Variants in UNC5C observed in about 807,000 individuals in gnomAD.
The protein encoded by UNC5C is netrin receptor UNC5C.
Under a neutral mutation model 99.8 loss-of-function variants are expected in UNC5C, and 47 were observed. That is an observed-to-expected ratio of 0.47 (90% CI 0.37 to 0.60). UNC5C has a LOEUF of 0.60. Ranked by LOEUF, UNC5C falls within the 20% of genes least tolerant of loss-of-function variation. The pLI, the probability that UNC5C is intolerant of heterozygous loss-of-function variation, is 0.00. For missense variants in UNC5C, 1,062 were observed against 1,165.9 expected (o/e 0.91, Z 1.30); for synonymous variants, 487 against 452.2 (o/e 1.08, Z -0.98).
At chr4:95,476,077 T>C (rs955891408) in intron 1 of UNC5C, among the ~76,000 whole-genome samples, 5 of 152,258 alleles carry the variant, frequency 3.3e-5, no homozygotes, top group Middle Eastern at 3.4e-3. Context: ...CTATGATTAA[T>C]ATTCACTCAA....
intron 1 of UNC5C, among the ~76,000 whole-genome samples, chr4:95,414,483 C>T (rs1381149448): frequency 1.3e-5 from 2 of 152,146 alleles, no homozygotes; most frequent in Non-Finnish European, 2.9e-5. Context: ...GGAGGTCTTA[C>T]CTGAATTTAT....
intron 1 of UNC5C, among the ~76,000 whole-genome samples, chr4:95,447,499 A>G (rs1395400530): frequency 6.6e-6 from 1 of 152,060 alleles, no homozygotes; most frequent in East Asian, 1.9e-4. Context: ...TTTATTATTT[A>G]TTTATTTTTT....
At chr4:95,416,125 T>C (rs996943838) in intron 1 of UNC5C, among the ~76,000 whole-genome samples, 1 of 152,094 alleles carries the variant, frequency 6.6e-6, no homozygotes, top group Non-Finnish European at 1.5e-5. Flanking sequence ...GAATGGAAAG[T>C]AGAAAGATTT....
At chr4:95,401,420 G>GCCT (rs1156653491) in intron 1 of UNC5C, among the ~76,000 whole-genome samples, 9 of 151,940 alleles carry the variant, frequency 5.9e-5, no homozygotes, top group South Asian at 2.1e-4. Context: ...TCCCAATTTA[G>GCCT]CCTCCTGAGT....
intron 1 of UNC5C, among the ~76,000 whole-genome samples, chr4:95,515,384 G>A (rs1390452007): frequency 1.3e-5 from 2 of 152,200 alleles, no homozygotes; most frequent in Non-Finnish European, 2.9e-5. Context: ...TAAACACTTA[G>A]TAGGTAATAC....
chr4:95,198,068 G>A (rs142522951), intron 12 of UNC5C, among the ~76,000 whole-genome samples: 1,688 of 147,984 alleles, frequency 0.011, 14 homozygotes, highest in Non-Finnish European at 0.015. Context: ...GCTCACTGCA[G>A]CCTCCGCCTC....
chr4:95,363,008 A>G (rs1744443018), intron 1 of UNC5C, among the ~76,000 whole-genome samples: 1 of 152,144 alleles, frequency 6.6e-6, no homozygotes, highest in African/African-American at 2.4e-5. Context: ...ATTGTAGTTT[A>G]TGTAAACATC....
At chr4:95,480,299 A>G (rs1181050295) in intron 1 of UNC5C, among the ~76,000 whole-genome samples, 1 of 148,766 alleles carries the variant, frequency 6.7e-6, no homozygotes, top group Non-Finnish European at 1.5e-5. Flanking sequence ...GTGTATATAT[A>G]GATAGCCTAT....
At chr4:95,208,555 C>T (rs1737961760) in intron 10 of UNC5C, among the ~76,000 whole-genome samples, 1 of 152,094 alleles carries the variant, frequency 6.6e-6, no homozygotes, top group Non-Finnish European at 1.5e-5. Flanking sequence ...GGTCTTTTCT[C>T]CTCCCTAAAT....
Position 95,275,963 on chromosome 4 carries a change from C to T in UNC5C, c.594+2296G>A, listed in dbSNP as rs567107164. 9.2e-5 allele frequency among the ~76,000 whole-genome samples: 14 copies of T among 152,234 alleles called. No individual in the cohort carries two copies. In the South Asian group the frequency reaches 2.7e-3, roughly 29 times the overall value. ...CACATGAGTTTTACCTGCTGGTTTT[C>T]CTTTAAGATCAATATTTCACTTTAT... On this transcript the variant is annotated intron_variant, in intron 4 of 15. Coordinates refer to ENST00000453304, the MANE Select transcript of UNC5C (RefSeq NM_003728.4).
intron 1 of UNC5C, among the ~76,000 whole-genome samples, chr4:95,511,792 T>A (rs368562524): frequency 6.6e-6 from 1 of 151,598 alleles, no homozygotes; most frequent in Non-Finnish European, 1.5e-5. Flanking sequence ...ACCAATGCAA[T>A]GGAAAAAAAA....
chr4:95,516,125 TG>T (rs1722211854), intron 1 of UNC5C, among the ~76,000 whole-genome samples: 1 of 152,216 alleles, frequency 6.6e-6, no homozygotes, highest in Admixed American at 6.5e-5. Context: ...CTCAGTAATA[TG>T]GTAGTAATGT....
chr4:95,531,951 C>G (rs1722655864), intron 1 of UNC5C, among the ~76,000 whole-genome samples: 1 of 152,156 alleles, frequency 6.6e-6, no homozygotes, highest in Non-Finnish European at 1.5e-5. Flanking sequence ...AGATAGAATT[C>G]TACAGTTGAA....
intron 4 of UNC5C, among the ~76,000 whole-genome samples, chr4:95,274,723 G>T (rs1251328388): frequency 6.6e-6 from 1 of 151,994 alleles, no homozygotes; most frequent in Non-Finnish European, 1.5e-5. Context: ...AACAATAGTA[G>T]CTTTAAAGAT....
chr4:95,404,658 G>C (rs1318252730), intron 1 of UNC5C, among the ~76,000 whole-genome samples: 1 of 152,156 alleles, frequency 6.6e-6, no homozygotes, highest in African/African-American at 2.4e-5. Flanking sequence ...ACAGATACAA[G>C]AGGGTGGTTC....
chr4:95,232,528 AC>A (rs765844649), intron 7 of UNC5C, among the ~76,000 whole-genome samples: 1 of 151,966 alleles, frequency 6.6e-6, no homozygotes, highest in Non-Finnish European at 1.5e-5. Context: ...CTGGACCTGC[AC>A]CCCCGTGATC....
In UNC5C at chr4:95,220,055, C is replaced by T. The variant is rs759056179; in HGVS notation, c.1230G>A (p.Glu410=). ...FVYRKNHRDF[E]SDIIDSSALN... ...GTGCCGAAGAGTCAATAATATCTGA[C>T]TCAAAGTCACGATGATTCTTCCGAT... The change falls in exon 8 of 16, where the codon GAG becomes GAA. Residue 410 remains glutamate, a synonymous_variant. Coordinates refer to ENST00000453304, the MANE Select transcript of UNC5C (RefSeq NM_003728.4). 2.3e-5 allele frequency: 37 copies of T among 1,614,006 alleles called. No homozygotes were observed. Among genetic ancestry groups the T allele is most frequent in the Admixed American group, 3.3e-5 (2 of 60,006 alleles).
chr4:95,324,065 G>A (rs983880908), intron 2 of UNC5C, among the ~76,000 whole-genome samples: 1 of 150,000 alleles, frequency 6.7e-6, no homozygotes, highest in African/African-American at 2.4e-5. Flanking sequence ...AAATAAATAA[G>A]GTTTTCCCAC....
intron 5 of UNC5C, among the ~76,000 whole-genome samples, chr4:95,249,149 C>CT (rs890417287): frequency 3.5e-4 from 53 of 152,326 alleles, no homozygotes; most frequent in African/African-American, 1.2e-3. Flanking sequence ...GCTATACCAT[C>CT]TATCCTATGT....
Sources: gnomAD v4.1 joint callset for allele counts (sites outside exome capture counted in the v4.1 genomes callset) on GRCh38, gnomAD v4.1.1 for gene constraint, MANE v1.5 for transcripts, NCBI Gene and HGNC (gene_info 2026-07-23, HGNC 2026-07-21) for gene names.